PRPF18: variants seen among roughly 807,000 people sequenced by gnomAD.
PRPF18 encodes the protein pre-mRNA processing factor 18, also known as pre-mRNA-splicing factor 18.
In PRPF18, 38 loss-of-function variants were observed where a neutral mutation model predicts 46.5. That is an observed-to-expected ratio of 0.82 (90% confidence interval 0.63 to 1.07). The LOEUF (loss-of-function observed/expected upper bound fraction) is 1.07, where lower values mean the gene tolerates loss of function less well. Among genes scored for constraint, PRPF18 ranks in the 50% least tolerant of loss-of-function variants. PRPF18 has a pLI of 0.00. For missense variants in PRPF18, 263 were observed against 410.0 expected (o/e 0.64, Z 3.10); for synonymous variants, 152 against 146.7 (o/e 1.04, Z -0.26).
chr10:13,626,507 T>C (rs2080506760), intron 9 of PRPF18, among the ~76,000 whole-genome samples: 2 of 152,126 alleles, frequency 1.3e-5, no homozygotes, highest in African/African-American at 4.8e-5. Context: ...TCACTAAAAA[T>C]GTGGTTTGGG....
chr10:13,652,267 G>T, the PRPF18 span: 2 of 456,156 alleles, frequency 4.4e-6, no homozygotes, highest in African/African-American at 4.0e-5. Context: ...TTTCAAATTT[G>T]GCTTGAGTCC....
the PRPF18 span, among the ~76,000 whole-genome samples, chr10:13,636,125 G>T: frequency 6.6e-6 from 1 of 152,192 alleles, no homozygotes; most frequent in Non-Finnish European, 1.5e-5. Context: ...GTCAGTTAAA[G>T]TACGAGATAG....
intron 9 of PRPF18, among the ~76,000 whole-genome samples, chr10:13,621,102 A>C (rs1403420065): frequency 6.6e-6 from 1 of 152,246 alleles, no homozygotes; most frequent in Non-Finnish European, 1.5e-5. Context: ...ATTCCCAGAT[A>C]GCTCTTGAAA....
At chr10:13,605,500 T>C (rs2080169719) in intron 3 of PRPF18, 131 bp from the exon 4 acceptor site, 1 of 950,294 alleles carries the variant, frequency 1.1e-6, no homozygotes, top group East Asian at 3.6e-5. Flanking sequence ...GAGAATCGCT[T>C]GAACCTGGGA....
chr10:13,595,971 T>A (rs1306451641), intron 1 of PRPF18, among the ~76,000 whole-genome samples: 1 of 152,158 alleles, frequency 6.6e-6, no homozygotes, highest in Non-Finnish European at 1.5e-5. Flanking sequence ...AAAATTAAAA[T>A]TAGTTTGTTA....
chr10:13,610,577 T>C (rs1181908131), intron 5 of PRPF18, among the ~76,000 whole-genome samples: 2 of 152,226 alleles, frequency 1.3e-5, no homozygotes, highest in Admixed American at 6.5e-5. Context: ...CTGTGTACAC[T>C]GAATCCTTTG....
At chr10:13,591,496 G>A in intron 1 of PRPF18, 1 of 695,360 alleles carries the variant, frequency 1.4e-6, no homozygotes, top group Non-Finnish European at 2.6e-6. Context: ...CATGAGTCGG[G>A]GCAAACACAG....
downstream of PRPF18, among the ~76,000 whole-genome samples, chr10:13,634,896 T>C (rs962235289): frequency 3.0e-4 from 46 of 152,152 alleles, no homozygotes; most frequent in African/African-American, 8.5e-4. Context: ...ATTTCAAACT[T>C]TTATGTTAAT....
chr10:13,591,831 G>A (rs1195158451), intron 1 of PRPF18: 1 of 1,440,910 alleles, frequency 6.9e-7, no homozygotes, highest in African/African-American at 1.4e-5. Flanking sequence ...GGTGCTTCAG[G>A]AAGACCGCCC....
chr10:13,591,427 A>C (rs1269893802), intron 1 of PRPF18: 3 of 491,592 alleles, frequency 6.1e-6, no homozygotes, highest in African/African-American at 2.0e-5. Context: ...TTTTGTTATC[A>C]GTTATTTAAT....
intron 3 of PRPF18, among the ~76,000 whole-genome samples, chr10:13,603,131 T>C (rs147701672): frequency 3.3e-4 from 51 of 152,364 alleles, no homozygotes; most frequent in Middle Eastern, 3.4e-3. Flanking sequence ...TAGTAAACCA[T>C]TGTTACTGAT....
the PRPF18 span, among the ~76,000 whole-genome samples, chr10:13,636,805 G>A: frequency 1.3e-5 from 2 of 152,194 alleles, no homozygotes; most frequent in South Asian, 4.1e-4. Flanking sequence ...ATATCGGCGT[G>A]TAATTCACAT....
chr10:13,644,025 C>CTTAGT, the PRPF18 span: 1 of 152,642 alleles, frequency 6.6e-6, no homozygotes, highest in East Asian at 1.9e-4. Context: ...ACCTAGTTAA[C>CTTAGT]TAAGCAGTAA....
chr10:13,605,621 C>G lies in PRPF18; in HGVS notation c.250-10C>G. On this transcript the variant is annotated splice_polypyrimidine_tract_variant and intron_variant, in intron 3 of 9. Transcript: ENST00000378572. Reference sequence around the variant, plus strand: ...AAAAAAATTTACTGGGTATCTGTTTCACTTTGTAGGTCATCAGAAGATTGA... The same window carrying G: ...AAAAAAATTTACTGGGTATCTGTTTGACTTTGTAGGTCATCAGAAGATTGA... 7.1e-7 allele frequency: 1 copy of G among 1,413,808 alleles called. No individual in the cohort carries two copies. Among genetic ancestry groups the G allele is most frequent in the Non-Finnish European group, 9.7e-7 (1 of 1,035,064 alleles). The allele number at this position is 1,413,808 out of a possible 1,614,324, so 87.6% of individuals were successfully genotyped here. A position where few individuals can be genotyped will look rare whatever the true frequency, so the allele number is the denominator to read the frequency against.
At chr10:13,601,929 C>T (rs926865329) in intron 3 of PRPF18, among the ~76,000 whole-genome samples, 1 of 152,198 alleles carries the variant, frequency 6.6e-6, no homozygotes, top group Admixed American at 6.5e-5. Flanking sequence ...CCCTTACATG[C>T]AGTGCTAAGG....
intron 2 of PRPF18, among the ~76,000 whole-genome samples, chr10:13,599,817 A>G (rs1490176779): frequency 6.6e-6 from 1 of 152,266 alleles, no homozygotes; most frequent in East Asian, 1.9e-4. Flanking sequence ...GCTGTTGGAA[A>G]GAAATTCTTT....
chr10:13,646,427 T>A, the PRPF18 span: 16 of 152,622 alleles, frequency 1.0e-4, no homozygotes, highest in African/African-American at 3.6e-4. Flanking sequence ...CCCATAGCCA[T>A]CCCCACAAGC....
chr10:13,602,554 T>C (rs2080128295), intron 3 of PRPF18, among the ~76,000 whole-genome samples: 1 of 151,818 alleles, frequency 6.6e-6, no homozygotes, highest in Admixed American at 6.6e-5. Context: ...AGGTTTCCTC[T>C]GTTCCTAAGA....
chr10:13,603,055 A>G (rs2080135362), intron 3 of PRPF18, among the ~76,000 whole-genome samples: 1 of 152,242 alleles, frequency 6.6e-6, no homozygotes, highest in African/African-American at 2.4e-5. Flanking sequence ...ATCTTTAAAC[A>G]TTGAAAAGCT....
Sources: gnomAD v4.1 joint callset for allele counts (sites outside exome capture counted in the v4.1 genomes callset) on GRCh38, gnomAD v4.1.1 for gene constraint, MANE v1.5 for transcripts, NCBI Gene and HGNC (gene_info 2026-07-23, HGNC 2026-07-21) for gene names.